The following CARF variants were observed in gnomAD, a reference collection of about 807,000 sequenced individuals.
CARF encodes calcium-responsive transcription factor.
A neutral mutation model predicts 82.0 loss-of-function variants in CARF; 57 were observed. The ratio of observed to expected loss-of-function variants is 0.70; its 90% CI spans 0.56 to 0.87. The LOEUF (loss-of-function observed/expected upper bound fraction) is 0.87, where lower values mean the gene tolerates loss of function less well. Ranked by LOEUF, CARF falls within the 40% of genes least tolerant of loss-of-function variation. CARF has a pLI of 0.00. For missense variants in CARF, 771 were observed against 855.8 expected (o/e 0.90, Z 1.24); for synonymous variants, 268 against 290.1 (o/e 0.92, Z 0.77).
chr2:202,937,806 G>C (rs1694189217), intron 3 of CARF, among the ~76,000 whole-genome samples: 3 of 151,896 alleles, frequency 2.0e-5, no homozygotes, highest in Non-Finnish European at 2.9e-5. Flanking sequence ...TATATTTTTA[G>C]TAGAGATGGG....
At chr2:202,936,209 T>C (rs1257112351) in intron 3 of CARF, among the ~76,000 whole-genome samples, 8 of 152,172 alleles carry the variant, frequency 5.3e-5, no homozygotes, top group Non-Finnish European at 1.0e-4. Flanking sequence ...TCCACGTTCA[T>C]ATTTTCCTGC....
At chr2:202,966,718 A>C (rs1335170000) in intron 9 of CARF, among the ~76,000 whole-genome samples, 4 of 152,228 alleles carry the variant, frequency 2.6e-5, no homozygotes, top group Non-Finnish European at 5.9e-5. Flanking sequence ...TCAAAAAAAA[A>C]AAAATTATAT....
At chr2:202,962,596 A>G (rs1019903401) in intron 9 of CARF, 1 of 152,184 alleles carries the variant, frequency 6.6e-6, no homozygotes, top group African/African-American at 2.4e-5. Context: ...TAGCTACTAC[A>G]TGAATTTCAT....
intron 14 of CARF, among the ~76,000 whole-genome samples, 179 bp from the exon 15 acceptor site, chr2:202,981,376 A>C (rs2105944419): frequency 6.6e-6 from 1 of 152,268 alleles, no homozygotes; most frequent in East Asian, 1.9e-4. Flanking sequence ...CCCAGTTCCT[A>C]ACAAGGCACA....
chr2:202,955,419 A>G (rs2058989371), intron 7 of CARF, among the ~76,000 whole-genome samples: 1 of 152,254 alleles, frequency 6.6e-6, no homozygotes, highest in Non-Finnish European at 1.5e-5. Flanking sequence ...GGAGAGATAT[A>G]TGAAACACTT....
At chr2:202,921,240 A>G (rs1314194438) in intron 2 of CARF, among the ~76,000 whole-genome samples, 2 of 152,124 alleles carry the variant, frequency 1.3e-5, no homozygotes, top group African/African-American at 4.8e-5. Context: ...TGACTTTGTG[A>G]TCCGCCTGCC....
chr2:202,969,973 C>A lies in CARF; in HGVS notation c.1008C>A (p.Pro336=). ...CTGAATATAGAGTTCCTACAGACCC[C>A]AAAATTGACAAGAAAATTATCAGAA... The part of the protein sequence containing the change: ...KFPEYRVPTD[P]KIDKKIIRME... Residue 336 remains proline (P), a synonymous_variant, in exon 11 of 17, where the codon CCC becomes CCA. Transcript: ENST00000438828. 1 of 1,571,904 alleles carries A rather than the reference C, an allele frequency of 6.4e-7. No individual in the cohort carries two copies. The highest frequency in any genetic ancestry group is 8.6e-7 in the Non-Finnish European group (1 of 1,167,850).
At chr2:202,966,872 G>A in intron 9 of CARF, 106 bp from the exon 10 acceptor site, 2 of 1,027,124 alleles carry the variant, frequency 1.9e-6, no homozygotes. Flanking sequence ...CCTTAAAGCT[G>A]TATATTTGAA....
At chr2:202,981,290 C>T (rs972485529) in intron 14 of CARF, among the ~76,000 whole-genome samples, 5 of 152,168 alleles carry the variant, frequency 3.3e-5, no homozygotes, top group Non-Finnish European at 7.3e-5. Context: ...TGATCTAACA[C>T]GAGGTAGAGC....
intron 10 of CARF, 138 bp from the exon 11 acceptor site, chr2:202,969,781 A>C (rs1304758584): frequency 2.0e-6 from 1 of 488,868 alleles, no homozygotes; most frequent in South Asian, 4.9e-5. Flanking sequence ...CATATATTTT[A>C]CATAAGCCTC....
chr2:202,957,821 A>C (rs975416719), intron 8 of CARF, among the ~76,000 whole-genome samples: 1 of 152,100 alleles, frequency 6.6e-6, no homozygotes, highest in East Asian at 1.9e-4. Flanking sequence ...CGGGCATGGT[A>C]GTGGGCACCT....
intron 10 of CARF, among the ~76,000 whole-genome samples, chr2:202,969,270 A>T (rs187795291): frequency 1.3e-5 from 2 of 151,700 alleles, no homozygotes; most frequent in East Asian, 3.9e-4. Flanking sequence ...ACAGGCCTGG[A>T]AGGAGGCTAT....
chr2:202,962,918 T>C (rs889787707), intron 9 of CARF: 1 of 152,256 alleles, frequency 6.6e-6, no homozygotes, highest in Non-Finnish European at 1.5e-5. Flanking sequence ...CTCCACACTA[T>C]ATATACTTTA....
At position 202,933,862 on chromosome 2, in the gene CARF, C is replaced by CTTTCT. The variant is rs140863725; in HGVS notation, c.-43-7979_-43-7975dup. 8.9e-5 allele frequency among the ~76,000 whole-genome samples: 13 copies of CTTTCT among 146,824 alleles called. 1 individual carries two copies. Among genetic ancestry groups the CTTTCT allele is most frequent in the Admixed American group, 4.8e-4 (7 of 14,684 alleles). The stretch of plus-strand genomic sequence containing the variant: ...CCACAGTCTGCTTTTCTTTTCTTTC[C>CTTTCT]TTTCTTTTCTTTTCTTTTCTTTTTT... On this transcript the variant is annotated intron_variant, in intron 3 of 16. Transcript: ENST00000438828.
At chr2:202,950,445 A>AT (rs1253449368) in intron 5 of CARF, among the ~76,000 whole-genome samples, 1 of 152,132 alleles carries the variant, frequency 6.6e-6, no homozygotes, top group Non-Finnish European at 1.5e-5. Context: ...GTATATACAT[A>AT]TTTTTTTCAC....
chr2:202,951,635 T>A (rs936424456), intron 5 of CARF, among the ~76,000 whole-genome samples: 1 of 152,122 alleles, frequency 6.6e-6, no homozygotes, highest in Non-Finnish European at 1.5e-5. Flanking sequence ...TTCATATGTC[T>A]TTTTAGTTGA....
intron 12 of CARF, among the ~76,000 whole-genome samples, chr2:202,972,931 T>C (rs1235570067): frequency 1.3e-5 from 2 of 152,174 alleles, no homozygotes; most frequent in Non-Finnish European, 2.9e-5. Context: ...TCTTTTCTTT[T>C]GTTGTTTTTT....
At chr2:202,925,315 C>A in intron 3 of CARF, 1 of 348,720 alleles carries the variant, frequency 2.9e-6, no homozygotes. Context: ...CCTCATTCAG[C>A]TGTATGAAGA....
rs1491098285 is a variant in CARF at position 202,986,868 on chromosome 2, G to GTATGTATATATATATATATATATA, written c.*3247_*3248insGTATATATATATATATATATATAT. The GTATGTATATATATATATATATATA allele has an allele frequency of 3.4e-5, 1 of 29,638 alleles. No homozygotes were observed. The allele number at this position is 29,638 out of a possible 1,614,324, so 1.8% of individuals were successfully genotyped here. A position where few individuals can be genotyped will look rare whatever the true frequency, so the allele number is the denominator to read the frequency against. ...AAAGAGGTTTAAAAAATGTCTGTGCGTATATATATATATATATATATATAT... is the reference window on the plus strand; with the variant it reads ...AAAGAGGTTTAAAAAATGTCTGTGCGTATGTATATATATATATATATATATATATATATATATATATATATATAT... On this transcript the variant is annotated 3_prime_UTR_variant, in exon 17 of 17. Transcript: ENST00000438828.
Sources: gnomAD v4.1 joint callset for allele counts (sites outside exome capture counted in the v4.1 genomes callset) on GRCh38, gnomAD v4.1.1 for gene constraint, MANE v1.5 for transcripts, NCBI Gene and HGNC (gene_info 2026-07-23, HGNC 2026-07-21) for gene names.